Variants in CYP2C8 observed in about 807,000 individuals in gnomAD.
CYP2C8 encodes the protein cytochrome P450 family 2 subfamily C member 8, also known as cytochrome P450 2C8.
Under a neutral mutation model 41.3 loss-of-function variants are expected in CYP2C8, and 51 were observed. The ratio of observed to expected loss-of-function variants is 1.24; its 90% CI spans 0.99 to 1.56. CYP2C8 has a LOEUF of 1.56. Among genes scored for constraint, CYP2C8 ranks in the 40% most tolerant of loss-of-function variants. The pLI is 0.00. For missense variants in CYP2C8, 651 were observed against 579.9 expected (o/e 1.12, Z -1.26); for synonymous variants, 218 against 205.8 (o/e 1.06, Z -0.51).
chr10:95,064,572 A>T (rs1189891261), intron 4 of CYP2C8, among the ~76,000 whole-genome samples: 1 of 152,116 alleles, frequency 6.6e-6, no homozygotes, highest in Non-Finnish European at 1.5e-5. Flanking sequence ...GACCCCTTGC[A>T]CTTCTGATGG....
chr10:95,065,758 G>A (rs570822493), intron 3 of CYP2C8, among the ~76,000 whole-genome samples: 1 of 152,242 alleles, frequency 6.6e-6, no homozygotes, highest in East Asian at 1.9e-4. Context: ...TAGTCATCAA[G>A]ATAAGTATGT....
At chr10:95,047,154 C>G (rs777825957) in intron 5 of CYP2C8, among the ~76,000 whole-genome samples, 6 of 152,186 alleles carry the variant, frequency 3.9e-5, no homozygotes, top group Admixed American at 1.3e-4. Context: ...GAGGACTCTC[C>G]AAAAGCTGAG....
At chr10:95,047,378 T>C (rs547617021) in intron 5 of CYP2C8, among the ~76,000 whole-genome samples, 129 of 152,324 alleles carry the variant, frequency 8.5e-4, no homozygotes, top group Non-Finnish European at 1.7e-3. Context: ...AGTGTTACAC[T>C]CTTGAATCAA....
Position 95,064,853 on chromosome 10 carries a change from G to C in CYP2C8, c.589C>G (p.Leu197Val). The C allele has an allele frequency of 1.9e-6, 3 of 1,613,952 alleles. No homozygotes were observed. Among genetic ancestry groups the C allele is most frequent in the South Asian group, 2.2e-5 (2 of 91,080 alleles). Reference protein sequence around the residue: ...FDYKDQNFLTLMKRFNENFRI... With the variant: ...FDYKDQNFLTVMKRFNENFRI... The stretch of plus-strand genomic sequence containing the variant: ...AAGTTTTCATTGAATCTTTTCATCA[G>C]GGTGAGAAAATTCTGATCTTTATAA... Residue 197 changes from leucine (L) to valine (V), a missense_variant, in exon 4 of 9, where the codon CTG becomes GTG. By Grantham distance (32) the Leu-to-Val change is conservative. Coordinates refer to ENST00000371270, the MANE Select transcript of CYP2C8 (RefSeq NM_000770.3).
chr10:95,063,853 T>C (rs1306507726), intron 4 of CYP2C8, among the ~76,000 whole-genome samples: 1 of 152,228 alleles, frequency 6.6e-6, no homozygotes, highest in Non-Finnish European at 1.5e-5. Flanking sequence ...GATTTCCTTC[T>C]AACAGTCAGG....
In CYP2C8 at chr10:95,037,160, G is replaced by T; in HGVS notation, c.1441C>A (p.Pro481Thr). Residue 481 changes from proline to threonine, a missense_variant, in exon 9 of 9, where the codon CCC becomes ACC. Physicochemically the swap from Pro to Thr is conservative, Grantham distance 38 (BLOSUM62 -1). Transcript: ENST00000371270. ...GGGATGAAGCAGATCTGGTATGAGGGTGGCAGAGAAACAATCCCTTTGGTA... is the reference window on the plus strand; with the variant it reads ...GGGATGAAGCAGATCTGGTATGAGGTTGGCAGAGAAACAATCCCTTTGGTA... The part of the protein sequence containing the change: ...AVTKGIVSLP[P>T]SYQICFIPV 1 of 1,613,982 alleles carries T rather than the reference G, an allele frequency of 6.2e-7. No individual in the cohort carries two copies. Among genetic ancestry groups the T allele is most frequent in the Non-Finnish European group, 8.5e-7 (1 of 1,179,872 alleles).
chr10:95,041,075 T>G, intron 7 of CYP2C8: 1 of 427,880 alleles, frequency 2.3e-6, no homozygotes, highest in Non-Finnish European at 4.7e-6. Flanking sequence ...CTTATGTATA[T>G]TTAGTGAGGG....
chr10:95,050,138 T>C (rs1261976648), intron 5 of CYP2C8, among the ~76,000 whole-genome samples: 2 of 152,078 alleles, frequency 1.3e-5, no homozygotes, highest in Admixed American at 6.5e-5. Context: ...GTCTGTATTC[T>C]GCATGGGCCT....
At chr10:95,055,686 G>T (rs1271213074) in intron 5 of CYP2C8, among the ~76,000 whole-genome samples, 1 of 152,202 alleles carries the variant, frequency 6.6e-6, no homozygotes, top group Admixed American at 6.5e-5. Flanking sequence ...ACAACCTGTA[G>T]AATGGGAGAA....
Position 95,045,932 on chromosome 10 carries a change from G to A in CYP2C8, c.839C>T (p.Ser280Leu). The change falls in exon 6 of 9, where the codon TCA becomes TTA. Residue 280 changes from serine (S) to leucine (L), a missense_variant. Physicochemically the swap from Ser to Leu is moderately radical, Grantham distance 145 (BLOSUM62 -2). Coordinates refer to ENST00000371270, the MANE Select transcript of CYP2C8 (RefSeq NM_000770.3). ...AACCAAGTTTTCAATATTGAATTCTGACTTTTGGTTGTCCTTTTCCTAGAA... is the reference window on the plus strand; with the variant it reads ...AACCAAGTTTTCAATATTGAATTCTAACTTTTGGTTGTCCTTTTCCTAGAA... ...KMEQEKDNQK[S>L]EFNIENLVGT... 3 of 1,613,932 alleles carry A rather than the reference G, an allele frequency of 1.9e-6. No individual in the cohort carries two copies. The highest frequency in any genetic ancestry group is 2.5e-6 in the Non-Finnish European group (3 of 1,179,872).
intron 7 of CYP2C8, among the ~76,000 whole-genome samples, chr10:95,041,342 G>T (rs535748239): frequency 1.3e-5 from 2 of 152,144 alleles, no homozygotes; most frequent in African/African-American, 2.4e-5. Flanking sequence ...TTCTATTACA[G>T]ACTTTAAAAT....
chr10:95,059,391 C>T (rs558866479), intron 4 of CYP2C8, among the ~76,000 whole-genome samples: 274 of 151,700 alleles, frequency 1.8e-3, no homozygotes, highest in African/African-American at 6.4e-3. Context: ...TCTCTGATGG[C>T]CAGTGATGAT....
intron 4 of CYP2C8, among the ~76,000 whole-genome samples, chr10:95,060,247 T>C (rs1002179059): frequency 6.6e-6 from 1 of 152,192 alleles, no homozygotes; most frequent in African/African-American, 2.4e-5. Context: ...ATGGCCATTT[T>C]CATGATATTG....
intron 5 of CYP2C8, among the ~76,000 whole-genome samples, chr10:95,051,194 C>A (rs759520486): frequency 6.6e-6 from 1 of 152,030 alleles, no homozygotes; most frequent in Non-Finnish European, 1.5e-5. Context: ...CTGAAACATG[C>A]AATTGGCATA....
At chr10:95,061,654 ATCTTAGTTATT>A (rs1371238332) in intron 4 of CYP2C8, among the ~76,000 whole-genome samples, 2 of 151,710 alleles carry the variant, frequency 1.3e-5, no homozygotes, top group Non-Finnish European at 2.9e-5. Context: ...TTCTGCTCTG[ATCTTAGTTATT>A]TCTTGCCTTC....
Position 95,067,526 on chromosome 10 carries a change from T to TACC in CYP2C8, c.331_331+2dup. The TACC allele has an allele frequency of 6.2e-7, 1 of 1,614,120 alleles. No individual in the cohort carries two copies. Among genetic ancestry groups the TACC allele is most frequent in the South Asian group, 1.1e-5 (1 of 91,084 alleles). On this transcript the variant is annotated splice_region_variant and intron_variant, in intron 2 of 8. Transcript: ENST00000371270. Reference sequence around the variant, plus strand: ...AAGCTGACACAGAAATATGTGCACCTACCAAGTCCTTTAGTAATTCTTTGA... The same window carrying TACC: ...AAGCTGACACAGAAATATGTGCACCTACCACCAAGTCCTTTAGTAATTCTTTGA...
intron 7 of CYP2C8, 47 bp downstream of exon 7, chr10:95,042,843 G>A (rs199581268): frequency 2.0e-6 from 3 of 1,536,508 alleles, no homozygotes; most frequent in Admixed American, 1.7e-5. Flanking sequence ...CCAGCACTAT[G>A]GAAATTTCAG....
chr10:95,067,888 C>A (rs879871034), intron 1 of CYP2C8, among the ~76,000 whole-genome samples, 197 bp from the exon 2 acceptor site: 4 of 152,166 alleles, frequency 2.6e-5, no homozygotes, highest in Non-Finnish European at 5.9e-5. Context: ...TGATGTGCCA[C>A]GCAATGACCC....
rs764983183 is a variant in CYP2C8 at position 95,069,232 on chromosome 10, T to C, written c.168+3A>G. 3 of 1,614,132 alleles carry C rather than the reference T, an allele frequency of 1.9e-6. No individual in the cohort carries two copies. The highest frequency in any genetic ancestry group is 2.5e-6 in the Non-Finnish European group (3 of 1,180,008). ...TGGCTGGAGGAACATAAGGCAGACTTACATTGGTGAAAGATTTGCAGATGT... is the reference window on the plus strand; with the variant it reads ...TGGCTGGAGGAACATAAGGCAGACTCACATTGGTGAAAGATTTGCAGATGT... On this transcript the variant is annotated splice_donor_region_variant and intron_variant, in intron 1 of 8. Coordinates refer to ENST00000371270, the MANE Select transcript of CYP2C8 (RefSeq NM_000770.3).
Sources: allele counts gnomAD v4.1 joint callset (sites outside exome capture counted in the v4.1 genomes callset), GRCh38; gene constraint gnomAD v4.1.1; transcripts MANE v1.5; gene names NCBI Gene and HGNC (gene_info 2026-07-23, HGNC 2026-07-21).